The following PCDHA2 variants were observed in gnomAD, a reference collection of about 807,000 sequenced individuals.
PCDHA2 encodes protocadherin alpha 2, also known as protocadherin alpha-2.
Under a neutral mutation model 66.0 loss-of-function variants are expected in PCDHA2, and 58 were observed. That is an observed-to-expected ratio of 0.88 (90% CI 0.71 to 1.09). PCDHA2 has a LOEUF of 1.09. PCDHA2 is among the 50% of genes least tolerant of loss of function. The pLI, the probability that PCDHA2 is intolerant of heterozygous loss-of-function variation, is 0.00. For synonymous variants in PCDHA2, 634 were observed against 554.0 expected (o/e 1.14, Z -2.03); for missense variants, 1,267 against 1,242.3 (o/e 1.02, Z -0.30).
Position 141,009,969 on chromosome 5 carries a change from GT to G in PCDHA2, c.*37del, listed in dbSNP as rs2098415622. On this transcript the variant is annotated 3_prime_UTR_variant, in exon 4 of 4. Coordinates refer to ENST00000526136, the MANE Select transcript of PCDHA2 (RefSeq NM_018905.3). ...CAAATGGAAACAAGCCACTTAGCCA[GT>G]TTTTGTAATAATGGCAAATCTCTCC... 6.3e-7 allele frequency: 1 copy of G among 1,586,478 alleles called. No homozygotes were observed. The highest frequency in any genetic ancestry group is 1.8e-5 in the Admixed American group (1 of 54,174).
intron 1 of PCDHA2, chr5:140,928,844 C>G (rs782361945): frequency 6.2e-7 from 1 of 1,614,168 alleles, no homozygotes; most frequent in Admixed American, 1.7e-5. Context: ...TCCTCTGTCA[C>G]TCTGGGTGTG....
intron 1 of PCDHA2, chr5:140,875,641 G>A (rs782380583): frequency 6.2e-7 from 1 of 1,613,690 alleles, no homozygotes; most frequent in South Asian, 1.1e-5. Flanking sequence ...GCTGGAGCTG[G>A]CGGAGCTGGT....
At chr5:141,000,376 T>C (rs2097906883) in intron 3 of PCDHA2, among the ~76,000 whole-genome samples, 1 of 58,410 alleles carries the variant, frequency 1.7e-5, no homozygotes, top group Non-Finnish European at 3.2e-5. Flanking sequence ...TCTCTCTCTC[T>C]CTCTCTCTCT....
At chr5:140,851,277 A>G in intron 1 of PCDHA2, 1 of 1,055,352 alleles carries the variant, frequency 9.5e-7, no homozygotes, top group East Asian at 4.9e-5. Context: ...TGTATTGTTT[A>G]TAAGAAACCC....
At chr5:140,843,814 G>A in intron 1 of PCDHA2, 1 of 1,259,886 alleles carries the variant, frequency 7.9e-7, no homozygotes, top group Non-Finnish European at 1.1e-6. Context: ...ATTTTATAGT[G>A]AAAATTTAAA....
chr5:140,877,350 G>A (rs376513441), intron 1 of PCDHA2: 2 of 1,613,896 alleles, frequency 1.2e-6, no homozygotes, highest in African/African-American at 1.3e-5. Flanking sequence ...ACGTGGGGCT[G>A]TACACTGGCG....
At chr5:140,912,494 A>T (rs536513157) in intron 1 of PCDHA2, among the ~76,000 whole-genome samples, 1 of 152,190 alleles carries the variant, frequency 6.6e-6, no homozygotes, top group South Asian at 2.1e-4. Context: ...CAGATCTAGG[A>T]GCTTTTTGGA....
At chr5:140,898,583 G>C (rs1179481608) in intron 1 of PCDHA2, among the ~76,000 whole-genome samples, 2 of 152,124 alleles carry the variant, frequency 1.3e-5, no homozygotes, top group African/African-American at 4.8e-5. Context: ...TGCTGTTTTG[G>C]TTACTGTAGC....
At chr5:140,900,494 C>G (rs2068089293) in intron 1 of PCDHA2, among the ~76,000 whole-genome samples, 1 of 152,202 alleles carries the variant, frequency 6.6e-6, no homozygotes, top group Admixed American at 6.5e-5. Context: ...TCAGACTGGT[C>G]TCAAATTCCC....
chr5:140,798,557 C>T (rs1030447160), intron 1 of PCDHA2, among the ~76,000 whole-genome samples: 1 of 152,126 alleles, frequency 6.6e-6, no homozygotes, highest in Non-Finnish European at 1.5e-5. Flanking sequence ...CCAATGTGTG[C>T]AGGCCTCCCA....
chr5:140,911,974 A>C (rs1471523711), intron 1 of PCDHA2, among the ~76,000 whole-genome samples: 3 of 152,212 alleles, frequency 2.0e-5, no homozygotes, highest in African/African-American at 4.8e-5. Flanking sequence ...GTATTAACTC[A>C]CATGATCACA....
chr5:140,883,109 T>C (rs782237873), intron 1 of PCDHA2: 95 of 1,613,962 alleles, frequency 5.9e-5, no homozygotes, highest in Non-Finnish European at 8.0e-5. Context: ...AGTTTACTCA[T>C]TTAGAAGGCC....
chr5:140,969,184 C>A (rs1381646688), intron 1 of PCDHA2: 1 of 1,613,998 alleles, frequency 6.2e-7, no homozygotes, highest in Non-Finnish European at 8.5e-7. Flanking sequence ...GTGACACTTT[C>A]ATGTTTTACA....
At chr5:140,968,961 A>G (rs1554231270) in intron 1 of PCDHA2, 1 of 1,614,088 alleles carries the variant, frequency 6.2e-7, no homozygotes, top group African/African-American at 1.3e-5. Context: ...ATCAAGTGCT[A>G]CCGCTACACT....
chr5:140,975,216 G>A (rs1349439819), intron 1 of PCDHA2, among the ~76,000 whole-genome samples: 1 of 152,198 alleles, frequency 6.6e-6, no homozygotes, highest in Non-Finnish European at 1.5e-5. Context: ...TGGCACTGGA[G>A]AATCTTCCCT....
intron 1 of PCDHA2, chr5:140,801,333 G>C (rs1581641335): frequency 1.2e-6 from 2 of 1,613,254 alleles, no homozygotes; most frequent in East Asian, 4.5e-5. Context: ...CACCTTCGTG[G>C]GCCGCATCGC....
At chr5:140,985,148 A>G (rs2097138818) in intron 3 of PCDHA2, among the ~76,000 whole-genome samples, 1 of 152,192 alleles carries the variant, frequency 6.6e-6, no homozygotes, top group South Asian at 2.1e-4. Context: ...CGTGTTAGCC[A>G]GGATTGTCTC....
At chr5:141,006,192 G>A (rs2098259902) in intron 3 of PCDHA2, among the ~76,000 whole-genome samples, 1 of 150,138 alleles carries the variant, frequency 6.7e-6, no homozygotes, top group African/African-American at 2.5e-5. Context: ...TTTGCTATAT[G>A]TATGTTATGC....
chr5:140,969,483 G>T (rs531496681), intron 1 of PCDHA2: 15 of 1,462,254 alleles, frequency 1.0e-5, no homozygotes, highest in Non-Finnish European at 1.3e-5. Context: ...ATCATAATCT[G>T]CTATTTCCTC....
Sources: gnomAD v4.1 joint callset for allele counts (sites outside exome capture counted in the v4.1 genomes callset) on GRCh38, gnomAD v4.1.1 for gene constraint, MANE v1.5 for transcripts, NCBI Gene and HGNC (gene_info 2026-07-23, HGNC 2026-07-21) for gene names.